The following PDE3B variants were observed in gnomAD, a reference collection of about 807,000 sequenced individuals.
PDE3B encodes the protein phosphodiesterase 3B, also known as cGMP-inhibited 3',5'-cyclic phosphodiesterase 3B.
In PDE3B, 66 loss-of-function variants were observed where a neutral mutation model predicts 116.8. That is an observed-to-expected ratio of 0.56 (90% CI 0.46 to 0.69). The LOEUF is 0.69. Among genes scored for constraint, PDE3B ranks in the 30% least tolerant of loss-of-function variants. The probability of loss-of-function intolerance (pLI) is 0.00; values close to 1 mark genes in which losing one functional copy is unlikely to be tolerated. For missense variants in PDE3B, 1,384 were observed against 1,368.1 expected, an observed-to-expected ratio of 1.01 and a Z score of -0.18; for synonymous variants, 595 against 533.6, an observed-to-expected ratio of 1.12 and a Z score of -1.59.
At chr11:14,845,061 C>T (rs973793293) in intron 12 of PDE3B, among the ~76,000 whole-genome samples, 1 of 152,144 alleles carries the variant, frequency 6.6e-6, no homozygotes, top group Non-Finnish European at 1.5e-5. Flanking sequence ...CCCCTGACCC[C>T]CGAGCAGCCT....
intron 1 of PDE3B, among the ~76,000 whole-genome samples, chr11:14,747,082 C>T (rs1856928984): frequency 6.6e-6 from 1 of 152,138 alleles, no homozygotes; most frequent in Admixed American, 6.5e-5. Context: ...TGGCGAGAGC[C>T]AGAGCAAGGG....
In PDE3B at chr11:14,867,762, A is replaced by C. The variant is rs1848075107; in HGVS notation, c.3139+4A>C. The C allele has an allele frequency of 6.3e-7, 1 of 1,591,688 alleles. No homozygotes were observed. The highest frequency in any genetic ancestry group is 1.3e-5 in the African/African-American group (1 of 74,450). Reference sequence around the variant, plus strand: ...ATGGAAAACAATCTAAATCCAAGTAAGAATATAGGGACATTATAATTTATT... The same window carrying C: ...ATGGAAAACAATCTAAATCCAAGTACGAATATAGGGACATTATAATTTATT... On this transcript the variant is annotated splice_donor_region_variant and intron_variant, in intron 15 of 15. Coordinates refer to ENST00000282096, the MANE Select transcript of PDE3B (RefSeq NM_000922.4).
In PDE3B at chr11:14,867,680, G is replaced by A. The variant is rs782733048; in HGVS notation, c.3061G>A (p.Asp1021Asn). Reference sequence around the variant, plus strand: ...GTGGTTAGAAGCAGAAGAGGATAATGATACTGAAAGTGGTGATGATGAAGA... The same window carrying A: ...GTGGTTAGAAGCAGAAGAGGATAATAATACTGAAAGTGGTGATGATGAAGA... ...GQWLEAEEDN[D>N]TESGDDEDGE... Residue 1021 changes from aspartate to asparagine, a missense_variant, in exon 15 of 16, where the codon GAT becomes AAT. Physicochemically the swap from Asp to Asn is conservative, Grantham distance 23. Around this residue, in one of 2 missense-constraint regions of PDE3B, gnomAD observed 428 missense variants for 561.4 expected, o/e 0.76. Coordinates refer to ENST00000282096, the MANE Select transcript of PDE3B (RefSeq NM_000922.4). 1.9e-6 allele frequency: 3 copies of A among 1,613,712 alleles called. No individual in the cohort carries two copies. The highest frequency in any genetic ancestry group is 2.7e-5 in the African/African-American group (2 of 74,920).
chr11:14,663,761 T>G (rs1854020946), intron 1 of PDE3B, among the ~76,000 whole-genome samples: 1 of 152,252 alleles, frequency 6.6e-6, no homozygotes, highest in Admixed American at 6.5e-5. Context: ...AGCACCCAGA[T>G]TCAGAAAGCA....
chr11:14,885,653 G>T, the PDE3B span: 1 of 1,064,682 alleles, frequency 9.4e-7, no homozygotes, highest in Non-Finnish European at 1.4e-6. Context: ...ACTAGGTTCT[G>T]TAAATAAATA....
intron 1 of PDE3B, among the ~76,000 whole-genome samples, chr11:14,728,209 T>TTGGATAAACCCACTGTGGC (rs1180046425): frequency 3.1e-4 from 47 of 152,214 alleles, no homozygotes; most frequent in Admixed American, 2.7e-3. Context: ...TTTCAGGTGG[T>TTGGATAAACCCACTGTGGC]TGGCTAAACC....
At chr11:14,712,376 C>G (rs899404779) in intron 1 of PDE3B, among the ~76,000 whole-genome samples, 1 of 152,006 alleles carries the variant, frequency 6.6e-6, no homozygotes, top group Non-Finnish European at 1.5e-5. Context: ...TGAGCCACCA[C>G]GCCCAATCCT....
At chr11:14,883,071 G>A in the PDE3B span, among the ~76,000 whole-genome samples, 2 of 152,146 alleles carry the variant, frequency 1.3e-5, no homozygotes, top group Non-Finnish European at 2.9e-5. Flanking sequence ...ATGCTCATGG[G>A]TAGGAGGAAT....
chr11:14,664,765 G>A (rs1168165379), intron 1 of PDE3B, among the ~76,000 whole-genome samples: 1 of 152,140 alleles, frequency 6.6e-6, no homozygotes. Context: ...TGAAATTGTG[G>A]CAATAATCAA....
chr11:14,686,246 C>G (rs988027857), intron 1 of PDE3B, among the ~76,000 whole-genome samples: 2 of 152,180 alleles, frequency 1.3e-5, no homozygotes, highest in Non-Finnish European at 2.9e-5. Flanking sequence ...TTCTACAAAT[C>G]TCTTATACCT....
chr11:14,815,715 C>A (rs190712111), intron 5 of PDE3B, among the ~76,000 whole-genome samples: 257 of 152,050 alleles, frequency 1.7e-3, no homozygotes, highest in Non-Finnish European at 2.8e-3. Flanking sequence ...ACATGAACAC[C>A]AGGGGGCAAG....
At chr11:14,786,937 A>G (rs1261005990) in intron 3 of PDE3B, among the ~76,000 whole-genome samples, 1 of 152,028 alleles carries the variant, frequency 6.6e-6, no homozygotes, top group African/African-American at 2.4e-5. Context: ...AGAAGTAGAG[A>G]ACAGCAAGCA....
At chr11:14,771,867 C>T in intron 1 of PDE3B, 70 bp from the exon 2 acceptor site, 1 of 590,944 alleles carries the variant, frequency 1.7e-6, no homozygotes, top group South Asian at 3.7e-5. Flanking sequence ...ATTGAAAATG[C>T]TGAATTTTGT....
intron 1 of PDE3B, among the ~76,000 whole-genome samples, chr11:14,745,881 G>A (rs1856898024): frequency 6.6e-6 from 1 of 152,164 alleles, no homozygotes; most frequent in Admixed American, 6.5e-5. Flanking sequence ...TAACATCCAT[G>A]ATAGTTATTC....
At chr11:14,895,384 G>A in the PDE3B span, among the ~76,000 whole-genome samples, 5 of 152,194 alleles carry the variant, frequency 3.3e-5, no homozygotes, top group East Asian at 3.8e-4. Context: ...TGTCTTGTTC[G>A]TAATGGGTTT....
At chr11:14,777,149 A>G (rs1857812054) in intron 2 of PDE3B, among the ~76,000 whole-genome samples, 1 of 152,198 alleles carries the variant, frequency 6.6e-6, no homozygotes. Context: ...AACAGTGGAG[A>G]TGACAGTAGG....
At chr11:14,812,248 G>A (rs889284670) in intron 5 of PDE3B, among the ~76,000 whole-genome samples, 2 of 152,134 alleles carry the variant, frequency 1.3e-5, no homozygotes, top group Non-Finnish European at 2.9e-5. Flanking sequence ...ATAGTAAATT[G>A]TATGGTATAT....
At chr11:14,867,851 A>C in intron 15 of PDE3B, 93 bp downstream of exon 15, 1 of 1,135,796 alleles carries the variant, frequency 8.8e-7, no homozygotes, top group Non-Finnish European at 1.2e-6. Flanking sequence ...CAAAATCCAA[A>C]ATTTTTTGAG....
intron 3 of PDE3B, among the ~76,000 whole-genome samples, chr11:14,788,102 A>T (rs1381276005): frequency 6.6e-6 from 1 of 151,914 alleles, no homozygotes; most frequent in African/African-American, 2.4e-5. Flanking sequence ...AAGTCATATA[A>T]GAACCAGGAA....
Sources: allele counts gnomAD v4.1 joint callset (sites outside exome capture counted in the v4.1 genomes callset), GRCh38; gene constraint gnomAD v4.1.1; regional missense constraint gnomAD v4.1.1; transcripts MANE v1.5; gene names NCBI Gene and HGNC (gene_info 2026-07-23, HGNC 2026-07-21).